PHF10: variants seen among roughly 807,000 people sequenced by gnomAD.
The protein encoded by PHF10 is BRG1-associated factor 45a.
A neutral mutation model predicts 68.5 loss-of-function variants in PHF10; 51 were observed. The ratio of observed to expected loss-of-function variants is 0.74; its 90% CI spans 0.59 to 0.94. The LOEUF is 0.94. Among genes scored for constraint, PHF10 ranks in the 40% least tolerant of loss-of-function variants. PHF10 has a pLI of 0.00. For synonymous variants in PHF10, 204 were observed against 203.5 expected (o/e 1.00, Z -0.02); for missense variants, 460 against 602.6 (o/e 0.76, Z 2.48).
chr6:169,723,708 C>T (rs936948885), intron 1 of PHF10, 137 bp downstream of exon 1: 8 of 252,998 alleles, frequency 3.2e-5, no homozygotes, highest in Non-Finnish European at 5.3e-5. Context: ...CGCCGACCAC[C>T]CCCGGTCTCA....
At chr6:169,721,209 C>T in intron 1 of PHF10, 98 bp from the exon 2 acceptor site, 2 of 655,188 alleles carry the variant, frequency 3.1e-6, no homozygotes, top group Non-Finnish European at 5.2e-6. Context: ...ACTAGTCATA[C>T]AAGTATTAAC....
In PHF10 at chr6:169,717,848, G is replaced by C; in HGVS notation, c.384C>G (p.Val128=). The change falls in exon 4 of 12, where the codon GTC becomes GTG. Residue 128 remains valine, a synonymous_variant. Transcript: ENST00000339209. The part of the protein sequence containing the change: ...KEKLYLRELN[V]ITETQCTLGL... ...CTAGAGTGCACTGAGTTTCAGTAAT[G>C]ACATTTAGCTCTCTCAGGTAGAGTT... The C allele has an allele frequency of 6.5e-7, 1 of 1,549,938 alleles. No individual in the cohort carries two copies. The highest frequency in any genetic ancestry group is 8.9e-7 in the Non-Finnish European group (1 of 1,128,072).
Position 169,710,480 on chromosome 6 carries a change from A to C in PHF10, c.958-89T>G, listed in dbSNP as rs1788903660. 8.7e-6 allele frequency: 8 copies of C among 914,820 alleles called. No homozygotes were observed. The South Asian group carries it at 1.0e-4, about 12-fold the overall frequency. The allele number at this position is 914,820 out of a possible 1,614,324, so 56.7% of individuals were successfully genotyped here. ...GAAAACTATGGAAAATATTCAAAGA[A>C]AGTTTTAAAGCTTTATCATTTTAAA... On this transcript the variant is annotated intron_variant, in intron 8 of 11. Coordinates refer to ENST00000339209, the MANE Select transcript of PHF10 (RefSeq NM_018288.4).
Position 169,705,217 on chromosome 6 carries a change from G to T in PHF10, c.1327C>A (p.His443Asn). 6.2e-7 allele frequency: 1 copy of T among 1,613,654 alleles called. No individual in the cohort carries two copies. The stretch of plus-strand genomic sequence containing the variant: ...CAGAACATCATTTCTTCTTCATGGT[G>T]GGGTTGTCCACATATAATGCATGTT... ...CKTCIICGQPHHEEEMMFCDM... is the reference protein window; with the variant it reads ...CKTCIICGQPNHEEEMMFCDM... Residue 443 changes from histidine (H) to asparagine (N), a missense_variant, in exon 11 of 12, where the codon CAC (histidine) becomes AAC (asparagine). His to Asn is a moderately conservative substitution (Grantham distance 68, BLOSUM62 1). Transcript: ENST00000339209.
rs536632510 is a variant in PHF10 at position 169,717,086 on chromosome 6, T to C, written c.409+737A>G. On this transcript the variant is annotated intron_variant, in intron 4 of 11. Coordinates refer to ENST00000339209, the MANE Select transcript of PHF10 (RefSeq NM_018288.4). The stretch of plus-strand genomic sequence containing the variant: ...GGCCAACATGGTAAAACCCCGTCTC[T>C]AATAAAAATACAAAAATTAGATGGC... 5.3e-5 allele frequency among the ~76,000 whole-genome samples: 8 copies of C among 152,238 alleles called. No individual in the cohort carries two copies. The South Asian group carries it at 6.2e-4, about 12-fold the overall frequency.
chr6:169,715,933 G>A, intron 5 of PHF10, 22 bp downstream of exon 5: 1 of 1,596,780 alleles, frequency 6.3e-7, no homozygotes, highest in South Asian at 1.1e-5. Flanking sequence ...AATAAAAAAT[G>A]CCAGTCACCT....
Position 169,715,699 on chromosome 6 carries a change from T to C in PHF10, c.693+9A>G. 1 of 1,608,472 alleles carries C rather than the reference T, an allele frequency of 6.2e-7. No individual in the cohort carries two copies. The highest frequency in any genetic ancestry group is 8.5e-7 in the Non-Finnish European group (1 of 1,177,868). Reference sequence around the variant, plus strand: ...AAGTTCAGGGGGTACTAAATTTAAGTTATCCTACATGTGTCTGCAAGTCAA... The same window carrying C: ...AAGTTCAGGGGGTACTAAATTTAAGCTATCCTACATGTGTCTGCAAGTCAA... On this transcript the variant is annotated intron_variant, in intron 6 of 11. Transcript: ENST00000339209.
chr6:169,713,009 TTAAAA>T (rs1209644005), intron 7 of PHF10, among the ~76,000 whole-genome samples: 14 of 152,328 alleles, frequency 9.2e-5, no homozygotes, highest in African/African-American at 2.2e-4. Flanking sequence ...ATGATATTAC[TTAAAA>T]TAATAACATA....
At chr6:169,715,635 AG>A (rs1789029431) in intron 6 of PHF10, 72 bp downstream of exon 6, 25 of 1,221,454 alleles carry the variant, frequency 2.0e-5, no homozygotes, top group Non-Finnish European at 3.0e-5. Flanking sequence ...ATAACGATAA[AG>A]GGGGTGATGG....
At chr6:169,718,274 T>C (rs922439434) in intron 3 of PHF10, among the ~76,000 whole-genome samples, 7 of 152,194 alleles carry the variant, frequency 4.6e-5, no homozygotes, top group African/African-American at 1.7e-4. Context: ...TCTAAAATTT[T>C]CCTCAGGAAA....
At chr6:169,711,629 G>C (rs994353289) in intron 8 of PHF10, among the ~76,000 whole-genome samples, 4 of 152,160 alleles carry the variant, frequency 2.6e-5, no homozygotes, top group Non-Finnish European at 4.4e-5. Flanking sequence ...CATGACAGGA[G>C]AAAAGTTGTG....
intron 1 of PHF10, among the ~76,000 whole-genome samples, chr6:169,723,047 G>C (rs969609911): frequency 6.6e-6 from 1 of 152,220 alleles, no homozygotes; most frequent in Non-Finnish European, 1.5e-5. Flanking sequence ...GGCGCAGCCC[G>C]GCTAGGCTGC....
chr6:169,703,944 G>T lies in PHF10; in HGVS notation c.*59C>A. 1.5e-6 allele frequency: 2 copies of T among 1,314,268 alleles called. No homozygotes were observed. The highest frequency in any genetic ancestry group is 2.1e-6 in the Non-Finnish European group (2 of 954,954). The allele number at this position is 1,314,268 out of a possible 1,614,324, so 81.4% of individuals were successfully genotyped here. A position where few individuals can be genotyped will look rare whatever the true frequency, so the allele number is the denominator to read the frequency against. On this transcript the variant is annotated 3_prime_UTR_variant, in exon 12 of 12. Transcript: ENST00000339209. ...CTTTTATTGGCATGAAAATAATGTT[G>T]TAAATGGCACCAAATATTCCACTTA...
intron 7 of PHF10, among the ~76,000 whole-genome samples, chr6:169,713,375 G>A (rs949877173): frequency 6.6e-6 from 1 of 152,184 alleles, no homozygotes; most frequent in Non-Finnish European, 1.5e-5. Context: ...AAGGTGGGCA[G>A]ATCACCTGAG....
At chr6:169,713,267 A>G (rs1235878879) in intron 7 of PHF10, among the ~76,000 whole-genome samples, 3 of 152,212 alleles carry the variant, frequency 2.0e-5, no homozygotes, top group Non-Finnish European at 4.4e-5. Context: ...ATACTTGCAT[A>G]TGACTTTTAA....
At chr6:169,717,732 T>G (rs1193194290) in intron 4 of PHF10, 91 bp downstream of exon 4, 30 of 613,232 alleles carry the variant, frequency 4.9e-5, no homozygotes, top group Non-Finnish European at 8.4e-5. Context: ...TTTTATTAAT[T>G]TTGTAAAATA....
intron 9 of PHF10, 140 bp from the exon 10 acceptor site, chr6:169,705,864 G>GGAGTCTGCCTACAATGT (rs1788767169): frequency 3.5e-5 from 22 of 632,868 alleles, no homozygotes; most frequent in Admixed American, 1.4e-4. Context: ...AAACTTGACA[G>GGAGTCTGCCTACAATGT]GAGTCTGCCT....
intron 9 of PHF10, among the ~76,000 whole-genome samples, chr6:169,706,781 T>C (rs185808301): frequency 8.9e-4 from 118 of 132,674 alleles, no homozygotes; most frequent in Middle Eastern, 4.0e-3. Flanking sequence ...CACACACACG[T>C]AGATGAACTG....
At chr6:169,714,866 C>T (rs1346852314) in intron 6 of PHF10, 24 bp from the exon 7 acceptor site, 1 of 1,100,378 alleles carries the variant, frequency 9.1e-7, no homozygotes, top group South Asian at 1.2e-5. Context: ...AAGAGAAACA[C>T]AAAACTGATT....
Sources: allele counts gnomAD v4.1 joint callset (sites outside exome capture counted in the v4.1 genomes callset), GRCh38; gene constraint gnomAD v4.1.1; transcripts MANE v1.5; gene names NCBI Gene and HGNC (gene_info 2026-07-23, HGNC 2026-07-21).